SEMA3D: variants seen among roughly 807,000 people sequenced by gnomAD.
SEMA3D encodes the protein semaphorin 3D.
In SEMA3D, 84 loss-of-function variants were observed where a neutral mutation model predicts 100.1. The ratio of observed to expected loss-of-function variants is 0.84; its 90% CI spans 0.70 to 1.01. SEMA3D has a LOEUF of 1.01. Among genes scored for constraint, SEMA3D ranks in the 50% least tolerant of loss-of-function variants. SEMA3D has a pLI of 0.00. For missense variants in SEMA3D, 875 were observed against 934.1 expected (o/e 0.94, Z 0.82); for synonymous variants, 312 against 320.7 (o/e 0.97, Z 0.29).
chr7:85,005,555 AATTAT>A (rs1789772472), intron 18 of SEMA3D, among the ~76,000 whole-genome samples: 2 of 152,058 alleles, frequency 1.3e-5, no homozygotes, highest in South Asian at 2.1e-4. Context: ...AGATGAAGAG[AATTAT>A]ATTAAATTCT....
At chr7:85,114,932 G>T (rs911048257) in intron 3 of SEMA3D, among the ~76,000 whole-genome samples, 3 of 152,050 alleles carry the variant, frequency 2.0e-5, no homozygotes, top group African/African-American at 7.2e-5. Context: ...ACTTTTCTAT[G>T]AAATTTTGAT....
intron 9 of SEMA3D, 72 bp downstream of exon 9, chr7:85,055,645 C>CATAT (rs56131427): frequency 0.022 from 3,550 of 159,224 alleles, 63 homozygotes; most frequent in Admixed American, 0.044. Flanking sequence ...TTTTCATATA[C>CATAT]ATATATATAT....
intron 1 of SEMA3D, among the ~76,000 whole-genome samples, chr7:85,179,522 C>T (rs557462858): frequency 1.3e-5 from 2 of 152,274 alleles, no homozygotes; most frequent in African/African-American, 4.8e-5. Flanking sequence ...TCGTTTTGGC[C>T]AATTTCCCCT....
intron 7 of SEMA3D, among the ~76,000 whole-genome samples, chr7:85,066,913 C>CACACAGAGAGAG: frequency 9.4e-5 from 12 of 127,762 alleles, no homozygotes; most frequent in African/African-American, 3.8e-4. Flanking sequence ...CACACACACA[C>CACACAGAGAGAG]AGAGAGAGAG....
chr7:85,085,450 A>C (rs2116254425), intron 4 of SEMA3D, among the ~76,000 whole-genome samples: 1 of 152,320 alleles, frequency 6.6e-6, no homozygotes, highest in Admixed American at 6.5e-5. Context: ...AGAATGACAA[A>C]ATGTGGAAGC....
intron 2 of SEMA3D, among the ~76,000 whole-genome samples, chr7:85,145,718 C>T (rs1790184442): frequency 6.6e-6 from 1 of 152,010 alleles, no homozygotes; most frequent in South Asian, 2.1e-4. Context: ...TTCTCAAATA[C>T]AAAAGTTTGA....
chr7:85,146,586 C>G (rs1397378173), intron 2 of SEMA3D, among the ~76,000 whole-genome samples: 2 of 151,412 alleles, frequency 1.3e-5, no homozygotes, highest in East Asian at 3.9e-4. Flanking sequence ...TTTTACTTAA[C>G]AATTCTGCAT....
the SEMA3D span, among the ~76,000 whole-genome samples, chr7:85,209,160 T>G: frequency 6.6e-6 from 1 of 152,052 alleles, no homozygotes; most frequent in Non-Finnish European, 1.5e-5. Context: ...TAACTACTGA[T>G]ATGATTTATG....
At chr7:85,172,362 C>T (rs1369245881) in intron 1 of SEMA3D, among the ~76,000 whole-genome samples, 1 of 151,912 alleles carries the variant, frequency 6.6e-6, no homozygotes, top group Admixed American at 6.6e-5. Flanking sequence ...GAAAAGCATT[C>T]AACAAGTATT....
chr7:84,999,235 T>C lies in SEMA3D; in HGVS notation c.*205A>G. 1.8e-6 allele frequency: 1 copy of C among 565,564 alleles called. No homozygotes were observed. The highest frequency in any genetic ancestry group is 3.1e-6 in the Non-Finnish European group (1 of 319,960). 35.0% of individuals were successfully genotyped at this position (565,564 alleles called of 1,614,324 possible). ...TTTAGGATAATTCTTATACTTTGCT[T>C]GTGCAAGATTTGTTCTTGGAAAACT... On this transcript the variant is annotated 3_prime_UTR_variant, in exon 19 of 19. Coordinates refer to ENST00000284136, the MANE Select transcript of SEMA3D (RefSeq NM_001384900.1).
chr7:85,246,868 C>T, the SEMA3D span, among the ~76,000 whole-genome samples: 1 of 151,156 alleles, frequency 6.6e-6, no homozygotes, highest in African/African-American at 2.4e-5. Context: ...AATTTTCTTG[C>T]CACACAAAAT....
chr7:85,108,378 A>T (rs1215998132), intron 3 of SEMA3D, among the ~76,000 whole-genome samples: 2 of 152,168 alleles, frequency 1.3e-5, no homozygotes, highest in African/African-American at 4.8e-5. Flanking sequence ...TGCTATTTAG[A>T]GACCCAATTG....
intron 4 of SEMA3D, among the ~76,000 whole-genome samples, chr7:85,092,959 A>C (rs1788440761): frequency 6.6e-6 from 1 of 152,098 alleles, no homozygotes. Flanking sequence ...AAATACTGGA[A>C]ACAAATACTT....
intron 5 of SEMA3D, among the ~76,000 whole-genome samples, chr7:85,077,900 G>T (rs1787929356): frequency 6.6e-6 from 1 of 152,100 alleles, no homozygotes; most frequent in Non-Finnish European, 1.5e-5. Context: ...TTCATGTACA[G>T]TGTCATTTTC....
intron 2 of SEMA3D, among the ~76,000 whole-genome samples, chr7:85,130,650 C>A (rs775803274): frequency 6.6e-6 from 1 of 152,082 alleles, no homozygotes; most frequent in Non-Finnish European, 1.5e-5. Context: ...TTCCTATGTT[C>A]GGTTTAACTC....
chr7:85,123,486 C>T (rs1253579300), intron 2 of SEMA3D, among the ~76,000 whole-genome samples: 1 of 152,038 alleles, frequency 6.6e-6, no homozygotes, highest in East Asian at 1.9e-4. Context: ...GAGATCAGCT[C>T]TTCAGTGTAT....
intron 17 of SEMA3D, among the ~76,000 whole-genome samples, chr7:85,010,152 C>A (rs971236035): frequency 6.6e-5 from 10 of 151,800 alleles, no homozygotes; most frequent in Middle Eastern, 3.4e-3. Context: ...ACAATGAATG[C>A]AAACATACAT....
chr7:85,178,706 G>A (rs1286476145), intron 1 of SEMA3D, among the ~76,000 whole-genome samples: 3 of 152,176 alleles, frequency 2.0e-5, no homozygotes, highest in Admixed American at 1.3e-4. Context: ...TTAAGCCTGT[G>A]GCAGAAATTT....
At chr7:85,203,726 G>A in the SEMA3D span, among the ~76,000 whole-genome samples, 3 of 152,100 alleles carry the variant, frequency 2.0e-5, no homozygotes, top group African/African-American at 7.2e-5. Flanking sequence ...TGTAAAAGTA[G>A]ATGTGGAAGA....
Sources: allele counts gnomAD v4.1 joint callset (sites outside exome capture counted in the v4.1 genomes callset), GRCh38; gene constraint gnomAD v4.1.1; transcripts MANE v1.5; gene names NCBI Gene and HGNC (gene_info 2026-07-23, HGNC 2026-07-21).